CAST: variants seen among roughly 807,000 people sequenced by gnomAD.
CAST encodes MIR583 host.
Under a neutral mutation model 119.6 loss-of-function variants are expected in CAST, and 76 were observed. The observed-to-expected ratio is 0.64, with a 90% CI of 0.53 to 0.77. The LOEUF is 0.77. Among genes scored for constraint, CAST ranks in the 30% least tolerant of loss-of-function variants. CAST has a pLI of 0.00. For synonymous variants in CAST, 319 were observed against 331.6 expected, an observed-to-expected ratio of 0.96 and a Z score of 0.41; for missense variants, 953 against 946.5, an observed-to-expected ratio of 1.01 and a Z score of -0.09.
At chr5:96,750,557 C>T in intron 19 of CAST, 30 bp from the exon 20 acceptor site, 1 of 1,432,294 alleles carries the variant, frequency 7.0e-7, no homozygotes, top group Non-Finnish European at 9.9e-7. Context: ...TATTTCTAAA[C>T]TTATTGAGAG....
the CAST span, among the ~76,000 whole-genome samples, chr5:95,987,111 T>G: frequency 2.0e-5 from 3 of 152,078 alleles, no homozygotes; most frequent in Non-Finnish European, 2.9e-5. Flanking sequence ...TTCCTGACCT[T>G]CGGACCCTTG....
chr5:96,682,360 T>C (rs536271244), intron 2 of CAST, among the ~76,000 whole-genome samples: 1 of 152,336 alleles, frequency 6.6e-6, no homozygotes, highest in African/African-American at 2.4e-5. Flanking sequence ...AATTTTGGTT[T>C]TCGTTTTTGG....
In CAST at chr5:96,572,639, A is replaced by T. The variant is rs536694305; in HGVS notation, c.60+42759A>T. 2.0e-5 allele frequency among the ~76,000 whole-genome samples: 3 copies of T among 152,340 alleles called. No individual in the cohort carries two copies. The South Asian group carries it at 6.2e-4, about 32-fold the overall frequency. On this transcript the variant is annotated intron_variant, in intron 1 of 11. Coordinates refer to the CAST transcript ENST00000505143. ...ATGACGCTTTAGTGTTGGACTTGGT[A>T]TCTCCTGGCCTTTTCTTCCATCTCC...
the CAST span, among the ~76,000 whole-genome samples, chr5:96,490,455 G>A: frequency 2.0e-5 from 3 of 152,042 alleles, no homozygotes; most frequent in African/African-American, 7.2e-5. Flanking sequence ...GCAAGTCATA[G>A]TCAGTCTAGA....
chr5:95,969,469 G>A, the CAST span, among the ~76,000 whole-genome samples: 1 of 152,144 alleles, frequency 6.6e-6, no homozygotes, highest in Non-Finnish European at 1.5e-5. Context: ...ATCAGAGGAG[G>A]CTCTGTATCA....
the CAST span, chr5:96,408,208 C>A: frequency 6.3e-7 from 1 of 1,592,134 alleles, no homozygotes; most frequent in East Asian, 2.2e-5. Flanking sequence ...TGATTAGAAG[C>A]TTTCTGGGCC....
the CAST span, among the ~76,000 whole-genome samples, chr5:96,277,734 C>T: frequency 1.3e-5 from 2 of 151,132 alleles, no homozygotes; most frequent in South Asian, 4.2e-4. Context: ...ATATACAAAA[C>T]ATCATCATTA....
the CAST span, among the ~76,000 whole-genome samples, chr5:96,244,948 T>C: frequency 1.3e-5 from 2 of 152,188 alleles, no homozygotes; most frequent in Admixed American, 6.5e-5. Context: ...AGCAAAGAAC[T>C]TTTGTAGATT....
At chr5:96,264,924 T>G in the CAST span, among the ~76,000 whole-genome samples, 1 of 152,256 alleles carries the variant, frequency 6.6e-6, no homozygotes, top group South Asian at 2.1e-4. Context: ...TCTGATACAG[T>G]TATCCATTTA....
chr5:96,599,974 A>AAAAAAAAAAAAAAACAAAAC (rs1460109288), intron 1 of CAST, among the ~76,000 whole-genome samples: 1 of 125,674 alleles, frequency 8.0e-6, no homozygotes, highest in African/African-American at 2.7e-5. Flanking sequence ...GGCAAAAAAA[A>AAAAAAAAAAAAAAACAAAAC]AAAAAAAAAC....
chr5:96,667,556 A>C (rs1183832862), intron 1 of CAST, among the ~76,000 whole-genome samples: 2 of 152,184 alleles, frequency 1.3e-5, no homozygotes, highest in Non-Finnish European at 2.9e-5. Context: ...AATTGGACAC[A>C]AAGGGCCTGT....
chr5:96,071,763 G>A, the CAST span, among the ~76,000 whole-genome samples: 120 of 152,080 alleles, frequency 7.9e-4, no homozygotes, highest in African/African-American at 2.7e-3. Context: ...GTTTTAAAAA[G>A]CCATTATCTT....
At chr5:96,408,333 G>A in the CAST span, 591 of 1,605,938 alleles carry the variant, frequency 3.7e-4, no homozygotes, top group African/African-American at 5.2e-4. Context: ...TCTGGATGAC[G>A]TCAGGAAGGA....
At chr5:96,151,934 T>C in the CAST span, among the ~76,000 whole-genome samples, 3 of 152,150 alleles carry the variant, frequency 2.0e-5, no homozygotes, top group African/African-American at 7.2e-5. Context: ...CCAGAGAACA[T>C]CCTTCTTTGA....
chr5:95,963,608 C>G, the CAST span, among the ~76,000 whole-genome samples: 2 of 152,082 alleles, frequency 1.3e-5, no homozygotes, highest in East Asian at 3.9e-4. Flanking sequence ...GAAATAGAGG[C>G]TTTACTACCT....
the CAST span, among the ~76,000 whole-genome samples, chr5:96,393,654 G>C: frequency 2.0e-5 from 3 of 152,186 alleles, no homozygotes. Flanking sequence ...GACTAGATGA[G>C]ACTGTATAGG....
At chr5:96,696,879 T>G (rs1386969410) in intron 3 of CAST, among the ~76,000 whole-genome samples, 2 of 149,580 alleles carry the variant, frequency 1.3e-5, no homozygotes, top group Non-Finnish European at 3.0e-5. Flanking sequence ...AAGTCTAATT[T>G]TATAATGTTA....
At chr5:96,169,297 G>A in the CAST span, among the ~76,000 whole-genome samples, 1 of 152,282 alleles carries the variant, frequency 6.6e-6, no homozygotes, top group Middle Eastern at 3.4e-3. Context: ...CCTGATGGGT[G>A]TCAGGGTCAG....
At chr5:96,472,855 T>C in the CAST span, among the ~76,000 whole-genome samples, 1 of 152,224 alleles carries the variant, frequency 6.6e-6, no homozygotes, top group African/African-American at 2.4e-5. Context: ...AAGTATATAC[T>C]GTCCTGGTTC....
Sources: gnomAD v4.1 joint callset for allele counts (sites outside exome capture counted in the v4.1 genomes callset) on GRCh38, gnomAD v4.1.1 for gene constraint, MANE v1.5 for transcripts, NCBI Gene and HGNC (gene_info 2026-07-23, HGNC 2026-07-21) for gene names.